The following RHOBTB2 variants were observed in gnomAD, a reference collection of about 807,000 sequenced individuals.
The protein encoded by RHOBTB2 is rho-related BTB domain-containing protein 2.
A neutral mutation model predicts 66.5 loss-of-function variants in RHOBTB2; 39 were observed. The ratio of observed to expected loss-of-function variants is 0.59; its 90% CI spans 0.45 to 0.77. The LOEUF (loss-of-function observed/expected upper bound fraction) is 0.77. Among genes scored for constraint, RHOBTB2 ranks in the 30% least tolerant of loss-of-function variants. RHOBTB2 has a pLI of 0.00. For missense variants in RHOBTB2, 755 were observed against 999.1 expected (o/e 0.76, Z 3.29); for synonymous variants, 390 against 395.0 (o/e 0.99, Z 0.15).
rs150932568 is a variant in RHOBTB2, at chr8:23,007,694, C to T, written c.1449C>T (p.His483=). 158 of 1,614,154 alleles carry T rather than the reference C, an allele frequency of 9.8e-5. 1 individual carries two copies. In the African/African-American group the frequency reaches 1.1e-3, roughly 11 times the overall value. Residue 483 remains histidine, a synonymous_variant, in exon 5 of 10, where the codon CAC becomes CAT. Coordinates refer to ENST00000251822, the MANE Select transcript of RHOBTB2 (RefSeq NM_015178.3). The part of the protein sequence containing the change: ...FMNQEITKAF[H]VRRTNRVKEC... ...ACCAGGAGATCACCAAGGCCTTCCA[C>T]GTCCGCCGGACCAACCGGGTTAAGG...
chr8:22,981,712 G>A, the RHOBTB2 span, among the ~76,000 whole-genome samples: 6 of 152,166 alleles, frequency 3.9e-5, no homozygotes, highest in African/African-American at 1.4e-4. Flanking sequence ...TCCCCCCACT[G>A]CCTGCCCCTG....
At chr8:22,974,157 G>T in the RHOBTB2 span, among the ~76,000 whole-genome samples, 2 of 152,136 alleles carry the variant, frequency 1.3e-5, no homozygotes, top group Non-Finnish European at 2.9e-5. Flanking sequence ...GGTCTAGGGT[G>T]GGGGTATGGA....
At chr8:23,014,973 G>A (rs955948826) in intron 8 of RHOBTB2, among the ~76,000 whole-genome samples, 195 bp downstream of exon 8, 1 of 152,144 alleles carries the variant, frequency 6.6e-6, no homozygotes, top group African/African-American at 2.4e-5. Flanking sequence ...TACCCGGAGG[G>A]GAGCTGACCA....
the RHOBTB2 span, among the ~76,000 whole-genome samples, chr8:22,978,414 G>A: frequency 6.6e-6 from 1 of 150,586 alleles, no homozygotes; most frequent in Non-Finnish European, 1.5e-5. Context: ...GTGAGCCCGG[G>A]AGGTGGAGCT....
In RHOBTB2 at chr8:22,994,151, C is replaced by T. The variant is rs61192131; in HGVS notation, c.-23-410C>T. ...GGGCCAGAATGAGTCTTGGAGGTCA[C>T]CTGACCTGGCCCTTGTCCATGAGAA... On this transcript the variant is annotated intron_variant, in intron 2 of 11. Coordinates refer to the RHOBTB2 transcript ENST00000519685. Among the ~76,000 whole-genome samples the T allele has an allele frequency of 5.8e-3, 883 of 152,322 alleles. 14 individuals are homozygous for T. The highest frequency in any genetic ancestry group is 0.02 in the African/African-American group (839 of 41,570).
At chr8:22,994,493 G>A in intron 2 of RHOBTB2, 1 of 926,376 alleles carries the variant, frequency 1.1e-6, no homozygotes, top group Non-Finnish European at 1.7e-6. Context: ...AATTCGCGGT[G>A]TGCTCATTCC....
the RHOBTB2 span, among the ~76,000 whole-genome samples, chr8:22,974,036 G>A: frequency 6.6e-6 from 1 of 152,108 alleles, no homozygotes; most frequent in African/African-American, 2.4e-5. Flanking sequence ...TGATCACTTA[G>A]GTATGCACGA....
the RHOBTB2 span, among the ~76,000 whole-genome samples, chr8:22,964,784 TTTTATTTATTTATTTATTTATTTATTTA>T: frequency 6.9e-6 from 1 of 144,380 alleles, no homozygotes; most frequent in Non-Finnish European, 1.5e-5. Flanking sequence ...ATTAGCTTTA[TTTTATTTATTTATTTATTTATTTATTTA>T]TTTATTTATT....
Position 23,017,379 on chromosome 8 carries a change from AC to A in RHOBTB2, c.2095del (p.Arg699GlyfsTer66), listed in dbSNP as rs1341922134. 6.2e-7 allele frequency: 1 copy of A among 1,613,910 alleles called. No homozygotes were observed. Among genetic ancestry groups the A allele is most frequent in the Non-Finnish European group, 8.5e-7 (1 of 1,179,972 alleles). On this transcript the variant is annotated frameshift_variant, in exon 10 of 10. Coordinates refer to ENST00000251822, the MANE Select transcript of RHOBTB2 (RefSeq NM_015178.3). LOFTEE classifies it high-confidence loss of function. The surrounding 1 kb of genome is among the most constrained non-coding windows in gnomAD (Gnocchi z 5.3). ...DYLHLKRQPKRRWLFWNSPSS... is the reference protein window; with the variant it reads ...DYLHLKRQPKXRWLFWNSPSS... Reference sequence around the variant, plus strand: ...ACCTCCACCTCAAGCGGCAGCCCAAACGGCGTTGGCTCTTCTGGAACAGTCC... The same window carrying A: ...ACCTCCACCTCAAGCGGCAGCCCAAAGGCGTTGGCTCTTCTGGAACAGTCC...
chr8:22,982,603 G>A (rs1770036771), upstream of RHOBTB2, among the ~76,000 whole-genome samples: 1 of 152,170 alleles, frequency 6.6e-6, no homozygotes, highest in Non-Finnish European at 1.5e-5. Flanking sequence ...GATCACTTGA[G>A]CCCATGAGGT....
In RHOBTB2 at chr8:23,004,563, C is replaced by T. The variant is rs1810890983; in HGVS notation, c.129C>T (p.Tyr43=). Reference sequence around the variant, plus strand: ...CTTGCAATGCCACCCTCACCCAGTACCAGCTGCTGGCCACGCATGTGCCCA... The same window carrying T: ...CTTGCAATGCCACCCTCACCCAGTATCAGCTGCTGGCCACGCATGTGCCCA... ...ARACNATLTQ[Y]QLLATHVPTV... The change falls in exon 2 of 10, where the codon TAC becomes TAT. Residue 43 remains tyrosine (Y), a synonymous_variant. Transcript: ENST00000251822. This position sits in a 1 kb window ranked among gnomAD's most constrained non-coding sequence, Gnocchi z 6.4. 4 of 1,614,170 alleles carry T rather than the reference C, an allele frequency of 2.5e-6. No homozygotes were observed. The East Asian group carries it at 8.9e-5, about 36-fold the overall frequency.
At chr8:23,002,723 CT>C (rs1810821172) in intron 1 of RHOBTB2, among the ~76,000 whole-genome samples, 1 of 152,132 alleles carries the variant, frequency 6.6e-6, no homozygotes, top group African/African-American at 2.4e-5. Context: ...CGGTTGTCTG[CT>C]GAGGGAGGGT....
Position 23,006,242 on chromosome 8 carries a change from T to G in RHOBTB2, c.482+97T>G. 2 of 1,053,270 alleles carry G rather than the reference T, an allele frequency of 1.9e-6. No individual in the cohort carries two copies. Among genetic ancestry groups the G allele is most frequent in the African/African-American group, 1.6e-5 (1 of 63,126 alleles). The allele number at this position is 1,053,270 out of a possible 1,614,324, so 65.2% of individuals were successfully genotyped here. On this transcript the variant is annotated intron_variant, in intron 4 of 9. Transcript: ENST00000251822. The surrounding 1 kb of genome is among the most constrained non-coding windows in gnomAD (Gnocchi z 6.1). ...GGAATTCCACTGAGCCTCATATCTC[T>G]CCCTCCATTTGGAGCAAGCTTGCAT...
In RHOBTB2 at chr8:23,007,159, T is replaced by C. The variant is rs139255771; in HGVS notation, c.914T>C (p.Leu305Pro). The C allele has an allele frequency of 1.1e-5, 18 of 1,605,708 alleles. No individual in the cohort carries two copies. Among genetic ancestry groups the C allele is most frequent in the Non-Finnish European group, 3.4e-6 (4 of 1,179,148 alleles). Residue 305 changes from leucine to proline, a missense_variant, in exon 5 of 10, where the codon CTG becomes CCG. Around this residue, in one of 7 missense-constraint regions of RHOBTB2, gnomAD observed 247 missense variants for 238.9 expected, o/e 1.03. Coordinates refer to ENST00000251822, the MANE Select transcript of RHOBTB2 (RefSeq NM_015178.3). Reference sequence around the variant, plus strand: ...CTCATGGACCTGAGTGAGGGGGAGCTGGGGGGCCCCTCGGAGCCAGGGGGC... The same window carrying C: ...CTCATGGACCTGAGTGAGGGGGAGCCGGGGGGCCCCTCGGAGCCAGGGGGC... Reference protein sequence around the residue: ...LFLMDLSEGELGGPSEPGGTH... With the variant: ...LFLMDLSEGEPGGPSEPGGTH...
Position 23,005,479 on chromosome 8 carries a change from G to C in RHOBTB2, c.296+4G>C. The stretch of plus-strand genomic sequence containing the variant: ...ACCGTCGCTTTGCTTATGGGAGGTA[G>C]GGAAGGCCTCTAGCCGCCTGCAGAG... On this transcript the variant is annotated splice_donor_region_variant and intron_variant, in intron 3 of 9. Coordinates refer to ENST00000251822, the MANE Select transcript of RHOBTB2 (RefSeq NM_015178.3). 1.9e-6 allele frequency: 3 copies of C among 1,604,758 alleles called. No homozygotes were observed. The highest frequency in any genetic ancestry group is 2.6e-6 in the Non-Finnish European group (3 of 1,171,614).
chr8:23,018,775 G>A lies in RHOBTB2; in HGVS notation c.*1306G>A, dbSNP rs1471779786. On this transcript the variant is annotated 3_prime_UTR_variant, in exon 10 of 10. Transcript: ENST00000251822. ...GGGTGTTTTTGCGGGGCTGCAATAG[G>A]GGCCAAAAGTCAGGGAAAGGGGCAC... The A allele has an allele frequency of 1.3e-5, 2 of 152,640 alleles. No individual in the cohort carries two copies. Among genetic ancestry groups the A allele is most frequent in the African/African-American group, 4.8e-5 (2 of 41,458 alleles). The allele number at this position is 152,640 out of a possible 1,614,324, so 9.5% of individuals were successfully genotyped here. A position where few individuals can be genotyped will look rare whatever the true frequency, so the allele number is the denominator to read the frequency against.
chr8:23,004,150 C>G lies in RHOBTB2; in HGVS notation c.-10-275C>G. 1 of 481,896 alleles carries G rather than the reference C, an allele frequency of 2.1e-6. No homozygotes were observed. Among genetic ancestry groups the G allele is most frequent in the South Asian group, 2.0e-5 (1 of 48,932 alleles). 29.9% of individuals were successfully genotyped at this position (481,896 alleles called of 1,614,324 possible). On this transcript the variant is annotated intron_variant, in intron 1 of 9. Transcript: ENST00000251822. This position sits in a 1 kb window ranked among gnomAD's most constrained non-coding sequence, Gnocchi z 6.4. ...GCTCCACTGGTGATCTCGCGTAGGT[C>G]TCCTTCATCCAGACGCACAGCTGGA...
intron 3 of RHOBTB2, 92 bp from the exon 4 acceptor site, chr8:23,005,868 G>T: frequency 8.3e-7 from 1 of 1,197,858 alleles, no homozygotes; most frequent in Non-Finnish European, 1.2e-6. Context: ...GCCAGGTGTG[G>T]GACTGTACAG....
At chr8:23,003,105 G>A (rs968519789) in intron 1 of RHOBTB2, among the ~76,000 whole-genome samples, 7 of 152,172 alleles carry the variant, frequency 4.6e-5, no homozygotes, top group South Asian at 2.1e-4. Flanking sequence ...GGATGACTCC[G>A]GGCTGCTAAA....
Sources: allele counts gnomAD v4.1 joint callset (sites outside exome capture counted in the v4.1 genomes callset), GRCh38; gene constraint gnomAD v4.1.1; regional missense constraint gnomAD v4.1.1; non-coding constraint Gnocchi (gnomAD v3.1); transcripts MANE v1.5; gene names NCBI Gene and HGNC (gene_info 2026-07-23, HGNC 2026-07-21).